TENM2: variants seen among roughly 807,000 people sequenced by gnomAD.
The protein encoded by TENM2 is teneurin-2.
A neutral mutation model predicts 245.2 loss-of-function variants in TENM2; 52 were observed. That is an observed-to-expected ratio of 0.21 (90% confidence interval 0.17 to 0.27). TENM2 has a LOEUF of 0.27. Ranked by LOEUF, TENM2 falls within the 10% of genes least tolerant of loss-of-function variation. The probability of loss-of-function intolerance (pLI) is 1.00; values close to 1 mark genes in which losing one functional copy is unlikely to be tolerated. For synonymous variants in TENM2, 1,363 were observed against 1,438.9 expected, an observed-to-expected ratio of 0.95 and a Z score of 1.19; for missense variants, 3,046 against 3,666.8, an observed-to-expected ratio of 0.83 and a Z score of 4.37.
chr5:167,959,188 C>CT (rs71593155), intron 4 of TENM2, among the ~76,000 whole-genome samples: 23,340 of 138,174 alleles, frequency 0.17, 2,153 homozygotes, highest in East Asian at 0.34. Flanking sequence ...CCTTTTCATT[C>CT]TTTTTTTTTT....
chr5:168,240,818 A>C (rs946372237), intron 25 of TENM2: 1 of 152,222 alleles, frequency 6.6e-6, no homozygotes, highest in Non-Finnish European at 1.5e-5. Flanking sequence ...AGTTGCCTCC[A>C]AAAACCCTGG....
At chr5:168,003,826 C>CTAA (rs1784596920) in intron 5 of TENM2, among the ~76,000 whole-genome samples, 1 of 152,196 alleles carries the variant, frequency 6.6e-6, no homozygotes, top group African/African-American at 2.4e-5. Context: ...GGACTCTTGC[C>CTAA]TAATAGACGA....
At chr5:167,298,328 G>A (rs2127731111) in intron 1 of TENM2, among the ~76,000 whole-genome samples, 1 of 152,342 alleles carries the variant, frequency 6.6e-6, no homozygotes, top group African/African-American at 2.4e-5. Flanking sequence ...ATGGGGCCGG[G>A]TGCGGTGGCT....
the TENM2 span, among the ~76,000 whole-genome samples, chr5:167,258,225 A>G: frequency 2.2e-5 from 3 of 139,276 alleles, no homozygotes; most frequent in Non-Finnish European, 4.6e-5. Flanking sequence ...GTATATATAT[A>G]TGTGTATATA....
the TENM2 span, among the ~76,000 whole-genome samples, chr5:166,998,744 CAGTT>C: frequency 6.6e-5 from 10 of 152,208 alleles, no homozygotes; most frequent in Middle Eastern, 3.4e-3. Flanking sequence ...AATACATGAA[CAGTT>C]AGAGAAATGT....
chr5:167,072,032 C>T, the TENM2 span, among the ~76,000 whole-genome samples: 1 of 151,948 alleles, frequency 6.6e-6, no homozygotes, highest in Non-Finnish European at 1.5e-5. Context: ...TGCTGCTTGA[C>T]CTTGTAAGGA....
At chr5:168,237,258 T>C (rs1430335102) in intron 25 of TENM2, among the ~76,000 whole-genome samples, 4 of 151,046 alleles carry the variant, frequency 2.6e-5, no homozygotes, top group African/African-American at 9.7e-5. Flanking sequence ...CCTCAAGCGA[T>C]CCACCCGCCT....
chr5:167,470,044 C>A (rs930116614), intron 2 of TENM2, among the ~76,000 whole-genome samples: 1 of 152,090 alleles, frequency 6.6e-6, no homozygotes, highest in Non-Finnish European at 1.5e-5. Context: ...CCTTTTATAT[C>A]CACAATAAAA....
At chr5:167,412,432 G>A (rs1355230548) in intron 2 of TENM2, among the ~76,000 whole-genome samples, 1 of 152,062 alleles carries the variant, frequency 6.6e-6, no homozygotes, top group African/African-American at 2.4e-5. Flanking sequence ...AGGCTAAGGT[G>A]GGTAGATTAC....
At chr5:167,771,227 AG>A (rs754024622) in intron 2 of TENM2, among the ~76,000 whole-genome samples, 1 of 152,144 alleles carries the variant, frequency 6.6e-6, no homozygotes, top group Non-Finnish European at 1.5e-5. Flanking sequence ...TATGTGTAAA[AG>A]CTTGGTAATT....
At chr5:167,518,751 T>A (rs923600222) in intron 2 of TENM2, among the ~76,000 whole-genome samples, 1 of 152,150 alleles carries the variant, frequency 6.6e-6, no homozygotes, top group Admixed American at 6.6e-5. Flanking sequence ...TAGGCTAGAA[T>A]TTTTATGACT....
intron 27 of TENM2, 135 bp downstream of exon 29, chr5:168,248,506 C>A: frequency 1.2e-6 from 1 of 860,474 alleles, no homozygotes; most frequent in Non-Finnish European, 1.8e-6. Flanking sequence ...GTGCAGTTGG[C>A]AGCACTACAG....
chr5:167,961,297 T>G (rs1436184528), intron 4 of TENM2, among the ~76,000 whole-genome samples: 2 of 152,248 alleles, frequency 1.3e-5, no homozygotes, highest in Non-Finnish European at 2.9e-5. Context: ...AATAAACAGC[T>G]TTGCTGGAAG....
chr5:167,971,526 C>T (rs1001530989), intron 4 of TENM2, among the ~76,000 whole-genome samples: 3 of 152,010 alleles, frequency 2.0e-5, no homozygotes, highest in African/African-American at 7.2e-5. Flanking sequence ...CATGGTGAAA[C>T]TTCGTGTCTA....
chr5:167,966,197 G>T (rs1046741455), intron 4 of TENM2, among the ~76,000 whole-genome samples: 1 of 152,226 alleles, frequency 6.6e-6, no homozygotes, highest in South Asian at 2.1e-4. Flanking sequence ...GATTTACGGG[G>T]AGAGGTTTTA....
rs70976468 is a variant in TENM2 at position 168,219,824 on chromosome 5, C to CAAAAAAAAA, written c.5108+842_5108+850dup. On this transcript the variant is annotated intron_variant, in intron 23 of 28. Transcript: ENST00000518659. ...GTTAAGTTAGGGAGAGTTGGCACAG[C>CAAAAAAAAA]AAAAAAAAAAAAAAAAAAAAAAAAA... 2.9e-3 allele frequency among the ~76,000 whole-genome samples: 144 copies of CAAAAAAAAA among 49,804 alleles called. 14 individuals are homozygous for CAAAAAAAAA. The highest frequency in any genetic ancestry group is 9.5e-3 in the African/African-American group (105 of 11,104). 32.7% of individuals were successfully genotyped at this position (49,804 alleles called of 152,430 possible). A position where few individuals can be genotyped will look rare whatever the true frequency, so the allele number is the denominator to read the frequency against.
intron 2 of TENM2, among the ~76,000 whole-genome samples, chr5:167,825,132 G>A (rs188193253): frequency 2.0e-5 from 3 of 152,296 alleles, no homozygotes; most frequent in Admixed American, 1.3e-4. Flanking sequence ...ACATATTTGT[G>A]TAATGGTGGG....
chr5:167,837,670 C>A (rs752283559), intron 2 of TENM2, among the ~76,000 whole-genome samples: 9 of 152,188 alleles, frequency 5.9e-5, no homozygotes, highest in Non-Finnish European at 1.0e-4. Flanking sequence ...ACAGTTAAAA[C>A]TTTAAATTCT....
chr5:167,918,625 G>C (rs34136062), intron 3 of TENM2, among the ~76,000 whole-genome samples: 5 of 152,046 alleles, frequency 3.3e-5, no homozygotes, highest in Non-Finnish European at 5.9e-5. Context: ...GACAGGAGCC[G>C]TGTGGCAGTG....
Sources: allele counts gnomAD v4.1 joint callset (sites outside exome capture counted in the v4.1 genomes callset), GRCh38; gene constraint gnomAD v4.1.1; transcripts MANE v1.5; gene names NCBI Gene and HGNC (gene_info 2026-07-23, HGNC 2026-07-21).